SEMA5A: variants seen among roughly 807,000 people sequenced by gnomAD.
SEMA5A encodes semaphorin-5A.
SEMA5A carries 55 observed loss-of-function variants against 135.5 expected under a neutral mutation model. The observed-to-expected ratio is 0.41, with a 90% CI of 0.33 to 0.51. The LOEUF (loss-of-function observed/expected upper bound fraction) is 0.51. Ranked by LOEUF, SEMA5A falls within the 20% of genes least tolerant of loss-of-function variation. The pLI, the probability that SEMA5A is intolerant of heterozygous loss-of-function variation, is 0.37. For synonymous variants in SEMA5A, 580 were observed against 546.5 expected, an observed-to-expected ratio of 1.06 and a Z score of -0.85; for missense variants, 1,290 against 1,419.9, an observed-to-expected ratio of 0.91 and a Z score of 1.47.
chr5:9,222,209 G>A (rs2150411303), intron 8 of SEMA5A, among the ~76,000 whole-genome samples: 2 of 152,328 alleles, frequency 1.3e-5, no homozygotes, highest in African/African-American at 4.8e-5. Flanking sequence ...ATGTCCCTGT[G>A]TTCAGGCTCA....
chr5:9,132,388 C>T (rs1224757967), intron 13 of SEMA5A, among the ~76,000 whole-genome samples: 3 of 152,090 alleles, frequency 2.0e-5, no homozygotes, highest in Non-Finnish European at 4.4e-5. Context: ...GGGCTCCTAC[C>T]TCAGGAATGG....
intron 5 of SEMA5A, among the ~76,000 whole-genome samples, chr5:9,303,626 T>TA (rs1357646208): frequency 6.6e-6 from 1 of 152,142 alleles, no homozygotes; most frequent in Non-Finnish European, 1.5e-5. Flanking sequence ...AAAGAAATGA[T>TA]AAATGAATGA....
chr5:9,163,466 C>T lies in SEMA5A; in HGVS notation c.1274-8771G>A, dbSNP rs535408914. Among the ~76,000 whole-genome samples, 4 of 152,236 alleles carry T rather than the reference C, an allele frequency of 2.6e-5. No homozygotes were observed. In the South Asian group the frequency reaches 8.3e-4, roughly 32 times the overall value. On this transcript the variant is annotated intron_variant, in intron 11 of 22. Transcript: ENST00000382496. ...TTTTTAACTTTCAATGTTTAAGTAG[C>T]TAACATGAATTTTATGGTTTGAACA...
chr5:9,443,395 C>A (rs1050588813), intron 1 of SEMA5A, among the ~76,000 whole-genome samples: 1 of 151,968 alleles, frequency 6.6e-6, no homozygotes, highest in African/African-American at 2.4e-5. Flanking sequence ...AGAAAAACAC[C>A]CTAGAAGCAG....
chr5:9,037,198 A>G lies in SEMA5A; in HGVS notation c.*5699T>C, dbSNP rs1735697743. The stretch of plus-strand genomic sequence containing the variant: ...CTTTCCAGATCTGAAAGTGCCCTTG[A>G]CTAGTTCCTGCCATTGCGCCAACAC... On this transcript the variant is annotated 3_prime_UTR_variant, in exon 23 of 23. Coordinates refer to ENST00000382496, the MANE Select transcript of SEMA5A (RefSeq NM_003966.3). The G allele has an allele frequency of 6.6e-6, 1 of 152,208 alleles. No homozygotes were observed. Among genetic ancestry groups the G allele is most frequent in the African/African-American group, 2.4e-5 (1 of 41,454 alleles). 9.4% of individuals were successfully genotyped at this position (152,208 alleles called of 1,614,324 possible).
At chr5:9,191,113 C>T (rs185584927) in intron 10 of SEMA5A, among the ~76,000 whole-genome samples, 2 of 151,474 alleles carry the variant, frequency 1.3e-5, no homozygotes, top group East Asian at 3.9e-4. Context: ...ATAAGAAGAA[C>T]AGGAGATGAG....
rs1561208297 is a variant in SEMA5A at position 9,384,671 on chromosome 5, T to TAG, written c.-77-4650_-77-4649dup. ...AGATAGATAGATAGATATAGATAGA[T>TAG]AGATATAGATAGATAGATAGATAGA... is the stretch of plus-strand genomic sequence containing the variant. On this transcript the variant is annotated intron_variant, in intron 2 of 22. Transcript: ENST00000382496. 7.7e-4 allele frequency among the ~76,000 whole-genome samples: 80 copies of TAG among 104,362 alleles called. 2 individuals are homozygous for TAG. Among genetic ancestry groups the TAG allele is most frequent in the Non-Finnish European group, 1.5e-3 (73 of 48,552 alleles). The allele number at this position is 104,362 out of a possible 152,430, so 68.5% of individuals were successfully genotyped here.
chr5:9,152,669 G>C (rs550662562), intron 12 of SEMA5A, among the ~76,000 whole-genome samples: 1 of 152,286 alleles, frequency 6.6e-6, no homozygotes, highest in Admixed American at 6.5e-5. Flanking sequence ...ACTTTGCAGA[G>C]TGCTTAAATT....
At chr5:9,054,376 C>T (rs1736773569) in intron 18 of SEMA5A, 119 bp from the exon 19 acceptor site, 1 of 1,309,100 alleles carries the variant, frequency 7.6e-7, no homozygotes, top group Non-Finnish European at 1.0e-6. Context: ...GGAATCTGCA[C>T]TCCAGAAAGG....
chr5:9,517,133 C>T (rs1561315211), intron 1 of SEMA5A: 1 of 152,202 alleles, frequency 6.6e-6, no homozygotes, highest in Non-Finnish European at 1.5e-5. Flanking sequence ...CAAACTAAAA[C>T]ATGTCCAGTC....
At chr5:9,462,251 A>AT (rs1759085503) in intron 1 of SEMA5A, among the ~76,000 whole-genome samples, 1 of 152,208 alleles carries the variant, frequency 6.6e-6, no homozygotes, top group Non-Finnish European at 1.5e-5. Context: ...CGTTGAAGAA[A>AT]TGCAAACCAA....
intron 3 of SEMA5A, among the ~76,000 whole-genome samples, chr5:9,371,203 A>G (rs1051964665): frequency 2.6e-5 from 4 of 152,212 alleles, no homozygotes; most frequent in Admixed American, 6.5e-5. Flanking sequence ...ATAAAATATA[A>G]ATATTCAATC....
At chr5:9,495,379 G>T (rs552568654) in intron 1 of SEMA5A, among the ~76,000 whole-genome samples, 8 of 152,320 alleles carry the variant, frequency 5.3e-5, no homozygotes, top group Admixed American at 3.9e-4. Context: ...CTGGAGGGGA[G>T]AAGCTGATTG....
intron 1 of SEMA5A, among the ~76,000 whole-genome samples, chr5:9,525,626 C>T (rs920573273): frequency 1.4e-4 from 21 of 152,328 alleles, no homozygotes; most frequent in African/African-American, 4.8e-4. Context: ...TGATTTCAGA[C>T]TTCTGGCCTC....
At chr5:9,496,585 T>A (rs976339515) in intron 1 of SEMA5A, among the ~76,000 whole-genome samples, 11 of 152,284 alleles carry the variant, frequency 7.2e-5, no homozygotes, top group Non-Finnish European at 1.5e-4. Context: ...ATTACCATGT[T>A]TTTTTCAGAT....
chr5:9,388,480 A>AAAAAG (rs1223775138), intron 2 of SEMA5A, among the ~76,000 whole-genome samples: 67 of 152,060 alleles, frequency 4.4e-4, no homozygotes, highest in African/African-American at 1.5e-3. Flanking sequence ...AAAAAAAAAA[A>AAAAAG]AAAGAAAAAG....
intron 1 of SEMA5A, among the ~76,000 whole-genome samples, chr5:9,476,863 G>A (rs112737008): frequency 1.3e-3 from 195 of 152,038 alleles, no homozygotes; most frequent in Middle Eastern, 6.8e-3. Context: ...CATCACCTGC[G>A]GCCAGGAATT....
intron 5 of SEMA5A, among the ~76,000 whole-genome samples, chr5:9,281,656 T>C (rs1166977107): frequency 1.3e-5 from 2 of 152,198 alleles, no homozygotes; most frequent in South Asian, 4.1e-4. Flanking sequence ...TGGATTCTTA[T>C]AGACCCCCAG....
chr5:9,502,446 C>A (rs550487296), intron 1 of SEMA5A, among the ~76,000 whole-genome samples: 9 of 152,284 alleles, frequency 5.9e-5, no homozygotes, highest in Admixed American at 5.9e-4. Context: ...TTTGAAGTAG[C>A]TGAGACATTC....
Sources: gnomAD v4.1 joint callset for allele counts (sites outside exome capture counted in the v4.1 genomes callset) on GRCh38, gnomAD v4.1.1 for gene constraint, MANE v1.5 for transcripts, NCBI Gene and HGNC (gene_info 2026-07-23, HGNC 2026-07-21) for gene names.